The following COA1 variants were observed in gnomAD, a reference collection of about 807,000 sequenced individuals.
COA1 encodes the protein cytochrome c oxidase assembly factor 1, also known as cytochrome c oxidase assembly factor 1 homolog.
COA1 carries 13 observed loss-of-function variants against 16.0 expected under a neutral mutation model. The ratio of observed to expected loss-of-function variants is 0.81; its 90% CI spans 0.53 to 1.29. COA1 has a LOEUF of 1.29. Among genes scored for constraint, COA1 ranks in the 50% most tolerant of loss-of-function variants. COA1 has a pLI of 0.00. For missense variants in COA1, 179 were observed against 177.0 expected (o/e 1.01, Z -0.06); for synonymous variants, 65 against 65.7 (o/e 0.99, Z 0.05).
intron 1 of COA1, among the ~76,000 whole-genome samples, chr7:43,686,875 C>T (rs1372014901): frequency 1.9e-4 from 29 of 152,046 alleles, no homozygotes; most frequent in Admixed American, 1.9e-3. Context: ...ATAGTGAGTT[C>T]CCATGTTGAT....
In COA1 at chr7:43,705,295, C is replaced by A. The variant is rs536375049; in HGVS notation, c.-39+24134G>T. ...GCACATGCATGCCTGCAGAGTGGCA[C>A]GGGGAAGCTGTGGGCAAATGCACAC... On this transcript the variant is annotated intron_variant, in intron 1 of 5. Coordinates refer to ENST00000223336, the MANE Select transcript of COA1 (RefSeq NM_018224.4). Among the ~76,000 whole-genome samples the A allele has an allele frequency of 2.3e-4, 35 of 152,346 alleles. 1 individual carries two copies. In the Middle Eastern group the frequency reaches 0.017, roughly 74 times the overall value.
chr7:43,608,535 C>T, exon 7 of COA1: 3 of 991,612 alleles, frequency 3.0e-6, no homozygotes, highest in Non-Finnish European at 2.9e-6. Flanking sequence ...TGAGTCTTTA[C>T]TCCTATCCTC....
chr7:43,640,702 T>C, intron 4 of COA1, 53 bp from the exon 5 acceptor site: 1 of 1,291,338 alleles, frequency 7.7e-7, no homozygotes, highest in Non-Finnish European at 1.1e-6. Flanking sequence ...ATTATTGTCA[T>C]TTCAGAAGAT....
At position 43,707,860 on chromosome 7, in the gene COA1, C is replaced by A. The variant is rs557625421; in HGVS notation, c.-39+21569G>T. 3.9e-5 allele frequency among the ~76,000 whole-genome samples: 6 copies of A among 152,306 alleles called. No individual in the cohort carries two copies. The South Asian group carries it at 1.2e-3, about 32-fold the overall frequency. On this transcript the variant is annotated intron_variant, in intron 1 of 5. Transcript: ENST00000223336. The stretch of plus-strand genomic sequence containing the variant: ...CACACTACTTCAACGCACACATGCC[C>A]ACCATTTCTGTGGAAGTAAAATTAC...
intron 1 of COA1, among the ~76,000 whole-genome samples, chr7:43,691,317 GA>G (rs1355268714): frequency 9.8e-6 from 1 of 101,990 alleles, no homozygotes; most frequent in Admixed American, 1.1e-4. Flanking sequence ...AAGAAAGAAA[GA>G]AAGAAAGAAA....
chr7:43,670,676 T>G (rs1055055918), intron 1 of COA1, among the ~76,000 whole-genome samples: 2 of 152,086 alleles, frequency 1.3e-5, no homozygotes, highest in Admixed American at 1.3e-4. Context: ...AAAAGAGACA[T>G]AGAGGGCTAT....
intron 1 of COA1, among the ~76,000 whole-genome samples, chr7:43,729,204 G>A (rs1258749265): frequency 1.3e-5 from 2 of 152,224 alleles, no homozygotes; most frequent in African/African-American, 2.4e-5. Context: ...GCTCGACACA[G>A]CCTCCTAACT....
exon 7 of COA1, chr7:43,608,512 A>G: frequency 1.5e-6 from 2 of 1,312,012 alleles, no homozygotes; most frequent in Non-Finnish European, 2.1e-6. Flanking sequence ...TTAGGTAACA[A>G]GGATATTAGA....
chr7:43,718,743 T>G (rs141641324), intron 1 of COA1, among the ~76,000 whole-genome samples: 179 of 152,298 alleles, frequency 1.2e-3, no homozygotes, highest in African/African-American at 4.2e-3. Context: ...TTCTTGAGCT[T>G]TATGAGGATT....
chr7:43,647,405 G>T, intron 3 of COA1, 130 bp downstream of exon 3: 2 of 722,842 alleles, frequency 2.8e-6, no homozygotes, highest in South Asian at 1.6e-5. Flanking sequence ...CGAAATGGTG[G>T]ACTAGCCTTT....
chr7:43,662,013 G>T (rs968390455), intron 1 of COA1, among the ~76,000 whole-genome samples: 3 of 152,166 alleles, frequency 2.0e-5, no homozygotes, highest in Admixed American at 6.5e-5. Flanking sequence ...TCATGCAAGA[G>T]AAATTAATTT....
In COA1 at chr7:43,639,592, TTCAC is replaced by T. The variant is rs2153061555; in HGVS notation, c.427_430del (p.Val143LysfsTer14). 1 of 1,613,836 alleles carries T rather than the reference TTCAC, an allele frequency of 6.2e-7. No homozygotes were observed. The highest frequency in any genetic ancestry group is 2.2e-5 in the East Asian group (1 of 44,858). On this transcript the variant is annotated frameshift_variant, in exon 6 of 6. Coordinates refer to ENST00000223336, the MANE Select transcript of COA1 (RefSeq NM_018224.4). LOFTEE classifies it high-confidence loss of function. ...TCTTCTGGGTCGTCTCTACTCCTTT[TTCAC>T]TTCATCACCGTTTTCCCCACTGAGC...
At chr7:43,705,851 C>A (rs1391755829) in intron 1 of COA1, among the ~76,000 whole-genome samples, 3 of 152,190 alleles carry the variant, frequency 2.0e-5, no homozygotes, top group African/African-American at 7.2e-5. Flanking sequence ...CAATTTCACT[C>A]ACCCCATCCC....
intron 6 of COA1, chr7:43,626,021 A>G (rs1331320219): frequency 6.6e-6 from 1 of 152,232 alleles, no homozygotes; most frequent in Non-Finnish European, 1.5e-5. Flanking sequence ...TGACCAGTAA[A>G]GTCCAATTAA....
In COA1 at chr7:43,691,340, AGAGGGAGGGAGGGAGGGAGGGAGG is replaced by A. The variant is rs780438936; in HGVS notation, c.-39+38065_-39+38088del. ...AAGAAAGAAAGAAAGAGAAAGAGAG[AGAGGGAGGGAGGGAGGGAGGGAGG>A]GAGGGAGGGAGGGAGGAAGGAAGGA... On this transcript the variant is annotated intron_variant, in intron 1 of 5. Transcript: ENST00000223336. Among the ~76,000 whole-genome samples the A allele has an allele frequency of 1.2e-3, 55 of 47,476 alleles. 1 individual carries two copies. The highest frequency in any genetic ancestry group is 5.2e-3 in the African/African-American group (53 of 10,242). 31.1% of individuals were successfully genotyped at this position (47,476 alleles called of 152,430 possible). A position where few individuals can be genotyped will look rare whatever the true frequency, so the allele number is the denominator to read the frequency against.
intron 3 of COA1, chr7:43,647,244 A>C (rs1207703082): frequency 2.2e-6 from 1 of 457,628 alleles, no homozygotes; most frequent in Non-Finnish European, 3.9e-6. Context: ...ATATAATCTC[A>C]GAATCTTGAT....
rs577186818 is a variant in COA1 at position 43,614,516 on chromosome 7, C to T, written c.*134-5021G>A. On this transcript the variant is annotated intron_variant and NMD_transcript_variant, in intron 6 of 6. Transcript: ENST00000415076. ...ATTGGAAGTAGATATATTTCACCAT[C>T]GAAGAACTAACAGAGCTTATAGTCC... Among the ~76,000 whole-genome samples the T allele has an allele frequency of 5.9e-5, 9 of 152,188 alleles. No individual in the cohort carries two copies. In the East Asian group the frequency reaches 1.7e-3, roughly 29 times the overall value.
chr7:43,640,446 T>G (rs2086762650), intron 5 of COA1, 127 bp downstream of exon 5: 1 of 761,634 alleles, frequency 1.3e-6, no homozygotes, highest in Non-Finnish European at 2.2e-6. Context: ...AGCTTTCAGC[T>G]TCAAGCTTGA....
At position 43,624,891 on chromosome 7, in the gene COA1, T is replaced by TA. The variant is rs781186005; in HGVS notation, c.*133+14557dup. ...AAGATTTCTACATTGAAAATGTTAATATTATTTATGGACCTCTGGCCAAAT... is the reference window on the plus strand; with the variant it reads ...AAGATTTCTACATTGAAAATGTTAATAATTATTTATGGACCTCTGGCCAAAT... On this transcript the variant is annotated intron_variant and NMD_transcript_variant, in intron 6 of 6. Transcript: ENST00000415076. The TA allele has an allele frequency of 1.1e-5, 16 of 1,485,018 alleles. No homozygotes were observed. In the African/African-American group the frequency reaches 2.3e-4, roughly 21 times the overall value. 92.0% of individuals were successfully genotyped at this position (1,485,018 alleles called of 1,614,324 possible). A position where few individuals can be genotyped will look rare whatever the true frequency, so the allele number is the denominator to read the frequency against.
Sources: gnomAD v4.1 joint callset for allele counts (sites outside exome capture counted in the v4.1 genomes callset) on GRCh38, gnomAD v4.1.1 for gene constraint, MANE v1.5 for transcripts, NCBI Gene and HGNC (gene_info 2026-07-23, HGNC 2026-07-21) for gene names.